PRDM5: variants seen among roughly 807,000 people sequenced by gnomAD.
PRDM5 encodes PR/SET domain 5, also known as PR domain zinc finger protein 5.
Under a neutral mutation model 81.2 loss-of-function variants are expected in PRDM5, and 56 were observed. The ratio of observed to expected loss-of-function variants is 0.69; its 90% CI spans 0.56 to 0.86. The LOEUF is 0.86. PRDM5 is among the 40% of genes least tolerant of loss of function. The probability of loss-of-function intolerance (pLI) is 0.00; values close to 1 mark genes in which losing one functional copy is unlikely to be tolerated. For missense variants in PRDM5, 697 were observed against 770.1 expected (o/e 0.91, Z 1.12); for synonymous variants, 267 against 256.4 (o/e 1.04, Z -0.39).
chr4:120,746,357 C>G lies in PRDM5; in HGVS notation c.1623+8196G>C, dbSNP rs1196607721. On this transcript the variant is annotated intron_variant, in intron 14 of 15. Transcript: ENST00000264808. ...AGAAGAAAACCTAGGCATTACCATT[C>G]AGGACATAGGCATGGGCAAGGACTT... is the stretch of plus-strand genomic sequence containing the variant. 7.8e-3 allele frequency among the ~76,000 whole-genome samples: 1,139 copies of G among 146,612 alleles called. 13 individuals carry two copies. The highest frequency in any genetic ancestry group is 0.026 in the African/African-American group (1,027 of 39,816).
At chr4:120,684,501 C>T (rs1027663530), downstream of PRDM5, among the ~76,000 whole-genome samples, 7 of 152,008 alleles carry the variant, frequency 4.6e-5, no homozygotes, top group South Asian at 4.1e-4. Flanking sequence ...ACATACCCTA[C>T]TATTCAGATA....
At chr4:120,921,339 C>T (rs1050215591) in intron 1 of PRDM5, among the ~76,000 whole-genome samples, 3 of 152,202 alleles carry the variant, frequency 2.0e-5, no homozygotes, top group Admixed American at 6.5e-5. Context: ...TTATTTATTC[C>T]TGTTTTTAAC....
intron 13 of PRDM5, among the ~76,000 whole-genome samples, chr4:120,772,370 C>T (rs1019035291): frequency 1.3e-5 from 2 of 152,128 alleles, no homozygotes; most frequent in African/African-American, 4.8e-5. Context: ...ATTTAGAAAG[C>T]CTTAATGTTT....
intron 3 of PRDM5, among the ~76,000 whole-genome samples, chr4:120,828,223 G>C (rs1756267272): frequency 6.6e-6 from 1 of 151,996 alleles, no homozygotes; most frequent in South Asian, 2.1e-4. Flanking sequence ...TATAAAGTGG[G>C]TTCAATAGTA....
At chr4:120,882,185 A>T (rs895354949) in intron 2 of PRDM5, among the ~76,000 whole-genome samples, 1 of 152,190 alleles carries the variant, frequency 6.6e-6, no homozygotes, top group African/African-American at 2.4e-5. Flanking sequence ...CCAGCAAGCC[A>T]CTGAGACTTG....
chr4:120,759,183 C>G (rs986459347), intron 13 of PRDM5, among the ~76,000 whole-genome samples: 1 of 152,176 alleles, frequency 6.6e-6, no homozygotes, highest in Non-Finnish European at 1.5e-5. Flanking sequence ...CCCATGCCAC[C>G]CGCCAACACT....
intron 10 of PRDM5, among the ~76,000 whole-genome samples, chr4:120,786,872 A>G (rs1749828374): frequency 6.6e-6 from 1 of 152,206 alleles, no homozygotes; most frequent in Admixed American, 6.5e-5. Flanking sequence ...CCTTCCAAAT[A>G]GCACTCCTAA....
At chr4:120,795,655 G>A (rs572184817) in intron 10 of PRDM5, among the ~76,000 whole-genome samples, 1 of 151,744 alleles carries the variant, frequency 6.6e-6, no homozygotes, top group Admixed American at 6.6e-5. Context: ...TCTCTCACCT[G>A]TAATCCCAGC....
At chr4:120,891,361 G>T (rs533398297) in intron 2 of PRDM5, among the ~76,000 whole-genome samples, 1 of 152,198 alleles carries the variant, frequency 6.6e-6, no homozygotes, top group African/African-American at 2.4e-5. Context: ...TTGTGTTTCT[G>T]TGGGGTTGGT....
chr4:120,874,248 T>A (rs1002307113), intron 2 of PRDM5, among the ~76,000 whole-genome samples: 8 of 152,118 alleles, frequency 5.3e-5, no homozygotes, highest in Admixed American at 3.3e-4. Context: ...GTCCAAGTAA[T>A]CAAAATCAGG....
chr4:120,834,524 G>C (rs1304280613), intron 3 of PRDM5, among the ~76,000 whole-genome samples: 3 of 152,144 alleles, frequency 2.0e-5, no homozygotes, highest in South Asian at 2.1e-4. Flanking sequence ...AATTTCTGTA[G>C]GGTATAAGCT....
chr4:120,847,953 T>G (rs945648426), intron 3 of PRDM5, among the ~76,000 whole-genome samples: 4 of 152,166 alleles, frequency 2.6e-5, no homozygotes, highest in African/African-American at 9.7e-5. Context: ...TAATTAAAAC[T>G]TTCCTCTACA....
At chr4:120,891,707 G>A (rs544975512) in intron 2 of PRDM5, among the ~76,000 whole-genome samples, 19 of 152,104 alleles carry the variant, frequency 1.2e-4, no homozygotes, top group Middle Eastern at 3.4e-3. Flanking sequence ...TCAGCTCGCC[G>A]CAACCTCCGC....
At chr4:120,908,621 A>C (rs899106048) in intron 1 of PRDM5, among the ~76,000 whole-genome samples, 2 of 152,214 alleles carry the variant, frequency 1.3e-5, no homozygotes, top group Non-Finnish European at 2.9e-5. Flanking sequence ...TGAAGAAAAG[A>C]GGTCCGGAGA....
At chr4:120,898,081 T>C (rs1764847870) in intron 2 of PRDM5, among the ~76,000 whole-genome samples, 1 of 152,214 alleles carries the variant, frequency 6.6e-6, no homozygotes, top group Non-Finnish European at 1.5e-5. Flanking sequence ...AGATTTACCC[T>C]GTTTTCTATC....
At chr4:120,740,887 G>A (rs181944659) in intron 14 of PRDM5, among the ~76,000 whole-genome samples, 2 of 152,304 alleles carry the variant, frequency 1.3e-5, no homozygotes, top group African/African-American at 2.4e-5. Flanking sequence ...ATCTCAGCCT[G>A]TCTCAACATA....
intron 15 of PRDM5, among the ~76,000 whole-genome samples, chr4:120,701,953 T>A (rs1735438973): frequency 6.6e-6 from 1 of 152,202 alleles, no homozygotes; most frequent in African/African-American, 2.4e-5. Context: ...AATAGCCAGC[T>A]TCATCATCCT....
At position 120,694,622 on chromosome 4, in the gene PRDM5, T is replaced by C. The variant is rs1496264; in HGVS notation, c.*489A>G. 157,448 of 158,798 alleles carry C rather than the reference T, an allele frequency of 0.99. 78,070 individuals carry two copies. The highest frequency in any genetic ancestry group is 1 in the East Asian group (5,508 of 5,508). The allele number at this position is 158,798 out of a possible 1,614,324, so 9.8% of individuals were successfully genotyped here. On this transcript the variant is annotated 3_prime_UTR_variant, in exon 16 of 16. Transcript: ENST00000264808. ...TTGAGACTTTGATAACTTATTCTTATCCTCATCTGCAAAGAAATAGTTGGA... is the reference window on the plus strand; with the variant it reads ...TTGAGACTTTGATAACTTATTCTTACCCTCATCTGCAAAGAAATAGTTGGA...
chr4:120,722,579 C>G (rs1380709315), intron 14 of PRDM5, among the ~76,000 whole-genome samples: 8 of 152,108 alleles, frequency 5.3e-5, no homozygotes, highest in African/African-American at 1.9e-4. Context: ...TGCCTACCCC[C>G]AGAGATTGTG....
Sources: gnomAD v4.1 joint callset for allele counts (sites outside exome capture counted in the v4.1 genomes callset) on GRCh38, gnomAD v4.1.1 for gene constraint, MANE v1.5 for transcripts, NCBI Gene and HGNC (gene_info 2026-07-23, HGNC 2026-07-21) for gene names.